TPM4: variants seen among roughly 807,000 people sequenced by gnomAD.
TPM4 encodes tropomyosin alpha-4 chain.
A neutral mutation model predicts 35.8 loss-of-function variants in TPM4; 17 were observed. That is an observed-to-expected ratio of 0.47 (90% CI 0.32 to 0.71). The LOEUF (loss-of-function observed/expected upper bound fraction) is 0.71. Among genes scored for constraint, TPM4 ranks in the 30% least tolerant of loss-of-function variants. The probability of loss-of-function intolerance (pLI) is 0.03; values close to 1 mark genes in which losing one functional copy is unlikely to be tolerated. For synonymous variants in TPM4, 120 were observed against 122.9 expected (o/e 0.98, Z 0.15); for missense variants, 240 against 320.9 (o/e 0.75, Z 1.93).
chr19:16,069,797 TGA>T lies in TPM4; in HGVS notation c.114+2061_114+2062del, dbSNP rs1489672312. Among the ~76,000 whole-genome samples, 5 of 152,078 alleles carry T rather than the reference TGA, an allele frequency of 3.3e-5. No homozygotes were observed. The East Asian group carries it at 9.6e-4, about 29-fold the overall frequency. ...GTGTTTCGATTGGTGTGTGTGTGAA[TGA>T]GTGTGTGTTTCTGTCGGGGTGAGTG... On this transcript the variant is annotated intron_variant, in intron 2 of 2. Coordinates refer to the TPM4 transcript ENST00000589897.
At chr19:16,094,376 A>C (rs2090668237) in intron 7 of TPM4, among the ~76,000 whole-genome samples, 1 of 151,928 alleles carries the variant, frequency 6.6e-6, no homozygotes, top group Non-Finnish European at 1.5e-5. Flanking sequence ...TCTACCAAAA[A>C]TAGAAAAAAT....
chr19:16,081,845 A>T (rs1361646798), intron 1 of TPM4, 68 bp from the exon 2 acceptor site: 5 of 1,501,036 alleles, frequency 3.3e-6, no homozygotes, highest in Non-Finnish European at 4.5e-6. Flanking sequence ...AGGGCAGGAC[A>T]TGGGGGAGGC....
chr19:16,094,774 T>G (rs2090673608), intron 7 of TPM4, among the ~76,000 whole-genome samples: 2 of 152,204 alleles, frequency 1.3e-5, no homozygotes, highest in African/African-American at 4.8e-5. Context: ...GTGTTTAACA[T>G]TCGGCCTCAG....
upstream of TPM4, chr19:16,075,969 T>C (rs2090398742): frequency 2.1e-5 from 32 of 1,530,252 alleles, no homozygotes; most frequent in Non-Finnish European, 2.4e-5. Context: ...CTTGTGAATA[T>C]TGGGGGGGAC....
In TPM4 at chr19:16,076,674, G is replaced by C; in HGVS notation, c.109G>C (p.Gly37Arg). Reference sequence around the variant, plus strand: ...GCAGGGCCTGCAGCGGGAGCTGGACGGCGAGCGCGAGCGGCGCGAGAAAGT... The same window carrying C: ...GCAGGGCCTGCAGCGGGAGCTGGACCGCGAGCGCGAGCGGCGCGAGAAAGT... ...RAQGLQRELDGERERREKAEG... is the reference protein window; with the variant it reads ...RAQGLQRELDRERERREKAEG... The change falls in exon 1 of 8, where the codon GGC (glycine) becomes CGC (arginine). Residue 37 changes from glycine to arginine, a missense_variant. Gly to Arg is a moderately radical substitution (Grantham distance 125, BLOSUM62 -2). Coordinates refer to ENST00000643579, the MANE Select transcript of TPM4 (RefSeq NM_003290.3). 1 of 1,381,518 alleles carries C rather than the reference G, an allele frequency of 7.2e-7. No homozygotes were observed. Among genetic ancestry groups the C allele is most frequent in the Non-Finnish European group, 9.4e-7 (1 of 1,069,010 alleles). The allele number at this position is 1,381,518 out of a possible 1,614,324, so 85.6% of individuals were successfully genotyped here.
At chr19:16,078,493 A>G (rs2090440299) in intron 1 of TPM4, among the ~76,000 whole-genome samples, 1 of 152,178 alleles carries the variant, frequency 6.6e-6, no homozygotes, top group African/African-American at 2.4e-5. Context: ...CTAATCCTGT[A>G]AGGGCTGCTT....
chr19:16,074,049 C>CAT (rs2090381569), upstream of TPM4, among the ~76,000 whole-genome samples: 1 of 145,686 alleles, frequency 6.9e-6, no homozygotes, highest in Non-Finnish European at 1.5e-5. Context: ...CACACACACA[C>CAT]ATATGGGGCA....
intron 2 of TPM4, among the ~76,000 whole-genome samples, chr19:16,085,631 G>A (rs962507341): frequency 6.6e-6 from 1 of 152,174 alleles, no homozygotes; most frequent in Non-Finnish European, 1.5e-5. Context: ...CTGAGCCTCA[G>A]CTCTACCACT....
At chr19:16,091,741 C>T (rs1018039972) in intron 5 of TPM4, among the ~76,000 whole-genome samples, 1 of 152,064 alleles carries the variant, frequency 6.6e-6, no homozygotes, top group African/African-American at 2.4e-5. Context: ...CCCCACTGCA[C>T]TCCAGAGTCA....
upstream of TPM4, among the ~76,000 whole-genome samples, chr19:16,073,937 G>GGAAA (rs2090377696): frequency 1.3e-4 from 1 of 7,726 alleles, no homozygotes; most frequent in Non-Finnish European, 2.6e-4. Context: ...GGAAGACCAT[G>GGAAA]TAAAAAAAAA....
chr19:16,077,639 C>CT (rs1417627796), intron 1 of TPM4, among the ~76,000 whole-genome samples: 1 of 152,208 alleles, frequency 6.6e-6, no homozygotes, highest in African/African-American at 2.4e-5. Flanking sequence ...TCTCTAGGAG[C>CT]TTTTTTCCCA....
intron 2 of TPM4, among the ~76,000 whole-genome samples, chr19:16,084,919 T>C (rs755994946): frequency 3.3e-5 from 5 of 152,132 alleles, no homozygotes; most frequent in Non-Finnish European, 7.4e-5. Context: ...TGACACATTA[T>C]CCCAGGCTGG....
chr19:16,088,910 C>T, intron 4 of TPM4, 135 bp from the exon 5 acceptor site: 1 of 1,483,152 alleles, frequency 6.7e-7, no homozygotes, highest in Non-Finnish European at 9.0e-7. Context: ...TTAACATTTT[C>T]TCCCCACATT....
chr19:16,086,364 T>G, intron 2 of TPM4, 59 bp from the exon 3 acceptor site: 1 of 1,423,114 alleles, frequency 7.0e-7, no homozygotes, highest in Non-Finnish European at 9.9e-7. Flanking sequence ...AAAAGATAGA[T>G]GAGAGGTGGG....
In TPM4 at chr19:16,095,242, C is replaced by G. The variant is rs778533407; in HGVS notation, c.664+1489C>G. ...GTCCCCTGTACTTCTGAACTGTCTC[C>G]CTGGGGACCTCCGCCCTCTAGATGA... On this transcript the variant is annotated intron_variant, in intron 7 of 7. Transcript: ENST00000643579. 4.4e-5 allele frequency: 45 copies of G among 1,018,516 alleles called. No individual in the cohort carries two copies. In the African/African-American group the frequency reaches 6.7e-4, roughly 15 times the overall value. The allele number at this position is 1,018,516 out of a possible 1,614,324, so 63.1% of individuals were successfully genotyped here. A position where few individuals can be genotyped will look rare whatever the true frequency, so the allele number is the denominator to read the frequency against.
At chr19:16,096,896 CT>C (rs2090704511) in intron 7 of TPM4, among the ~76,000 whole-genome samples, 1 of 125,954 alleles carries the variant, frequency 7.9e-6, no homozygotes, top group African/African-American at 2.9e-5. Context: ...AAAGGTCATG[CT>C]TTTTCCTACA....
chr19:16,073,366 G>A (rs1361918989), upstream of TPM4, among the ~76,000 whole-genome samples: 4 of 152,158 alleles, frequency 2.6e-5, no homozygotes, highest in African/African-American at 9.7e-5. Flanking sequence ...TGTAGGTCAG[G>A]GTTGACCTAT....
At position 16,076,515 on chromosome 19, in the gene TPM4, G is replaced by GAGCCC; in HGVS notation, c.-46_-42dup. ...CGGCTGTGCAGCTCTCGCCGGAGCC[G>GAGCCC]AGCCCAGCCGAGCGTCCGCCGCTGC... is the stretch of plus-strand genomic sequence containing the variant. On this transcript the variant is annotated 5_prime_UTR_variant, in exon 1 of 8. Transcript: ENST00000643579. The GAGCCC allele has an allele frequency of 7.2e-7, 1 of 1,387,328 alleles. No homozygotes were observed. Among genetic ancestry groups the GAGCCC allele is most frequent in the Admixed American group, 3.3e-5 (1 of 30,124 alleles). The allele number at this position is 1,387,328 out of a possible 1,614,324, so 85.9% of individuals were successfully genotyped here.
upstream of TPM4, chr19:16,076,178 T>G (rs1429832891): frequency 1.9e-6 from 3 of 1,554,684 alleles, no homozygotes; most frequent in Admixed American, 5.9e-5. Flanking sequence ...CCGACGTACG[T>G]GTGCAGGGAT....
Sources: allele counts gnomAD v4.1 joint callset (sites outside exome capture counted in the v4.1 genomes callset), GRCh38; gene constraint gnomAD v4.1.1; transcripts MANE v1.5; gene names NCBI Gene and HGNC (gene_info 2026-07-23, HGNC 2026-07-21).